Variants in NOS2 observed in about 807,000 individuals in gnomAD.
The protein encoded by NOS2 is nitric oxide synthase 2, also known as nitric oxide synthase, inducible.
Under a neutral mutation model 136.0 loss-of-function variants are expected in NOS2, and 96 were observed. The ratio of observed to expected loss-of-function variants is 0.71; its 90% CI spans 0.60 to 0.84. NOS2 has a LOEUF of 0.84. Ranked by LOEUF, NOS2 falls within the 40% of genes least tolerant of loss-of-function variation. NOS2 has a pLI of 0.00. For synonymous variants in NOS2, 539 were observed against 587.5 expected, an observed-to-expected ratio of 0.92 and a Z score of 1.20; for missense variants, 1,237 against 1,496.9, an observed-to-expected ratio of 0.83 and a Z score of 2.87.
intron 2 of NOS2, among the ~76,000 whole-genome samples, chr17:27,796,927 T>G (rs1347308356): frequency 6.6e-6 from 1 of 152,054 alleles, no homozygotes; most frequent in Non-Finnish European, 1.5e-5. Context: ...TTCAAAGTCC[T>G]CTCCTCCAAT....
chr17:27,797,535 A>C (rs1217609324), intron 2 of NOS2, among the ~76,000 whole-genome samples: 2 of 152,306 alleles, frequency 1.3e-5, no homozygotes, highest in African/African-American at 2.4e-5. Context: ...AGCCACTGGC[A>C]TTTTTTGCCG....
chr17:27,779,083 C>T, intron 9 of NOS2, 27 bp from the exon 10 acceptor site: 1 of 1,396,572 alleles, frequency 7.2e-7, no homozygotes, highest in Non-Finnish European at 9.4e-7. Flanking sequence ...CACAATTTAA[C>T]TGGGGCCTTC....
At chr17:27,794,712 G>GCACACACA (rs1471450143) in intron 2 of NOS2, among the ~76,000 whole-genome samples, 5 of 123,824 alleles carry the variant, frequency 4.0e-5, no homozygotes, top group African/African-American at 1.9e-4. Context: ...ACACACACAC[G>GCACACACA]CGCACACACA....
chr17:27,781,163 A>ACCAC lies in NOS2; in HGVS notation c.736_737insGTGG (p.Val246GlyfsTer8). The ACCAC allele has an allele frequency of 6.2e-7, 1 of 1,608,530 alleles. No individual in the cohort carries two copies. Among genetic ancestry groups the ACCAC allele is most frequent in the South Asian group, 1.1e-5 (1 of 91,056 alleles). Reference sequence around the variant, plus strand: ...CTTGCCATCACTCCGCTGGGGGAACACGGTGATGGCCGACCTTCCCAGGAC... The same window carrying ACCAC: ...CTTGCCATCACTCCGCTGGGGGAACACCACCGGTGATGGCCGACCTTCCCAGGAC... On this transcript the variant is annotated frameshift_variant, in exon 8 of 27. Transcript: ENST00000313735. LOFTEE classifies it high-confidence loss of function.
chr17:27,758,165 T>C (rs536759213), intron 26 of NOS2, among the ~76,000 whole-genome samples: 15 of 152,310 alleles, frequency 9.8e-5, no homozygotes, highest in African/African-American at 1.4e-4. Context: ...CCCTAGCACA[T>C]AGTAGGTGCT....
At chr17:27,757,981 A>T (rs1421235749) in intron 26 of NOS2, among the ~76,000 whole-genome samples, 6 of 152,106 alleles carry the variant, frequency 3.9e-5, no homozygotes, top group Non-Finnish European at 1.5e-5. Flanking sequence ...TTATTCTCAG[A>T]TGCCACCTTC....
intron 14 of NOS2, among the ~76,000 whole-genome samples, chr17:27,771,241 C>T (rs896809788): frequency 6.6e-6 from 1 of 152,262 alleles, no homozygotes. Flanking sequence ...ATGGTTAACA[C>T]ATTGGCAAGC....
Position 27,788,893 on chromosome 17 carries a change from T to A in NOS2, c.234A>T (p.Pro78=), listed in dbSNP as rs752607576. The A allele has an allele frequency of 6.2e-7, 1 of 1,614,078 alleles. No homozygotes were observed. The highest frequency in any genetic ancestry group is 1.7e-5 in the Admixed American group (1 of 60,018). ...PESLVKLDAT[P]LSSPRHVRIK... Reference sequence around the variant, plus strand: ...TCCTCACATGCCGTGGGGAGGACAATGGGGTTGCATCCAGCTTGACCAGAG... The same window carrying A: ...TCCTCACATGCCGTGGGGAGGACAAAGGGGTTGCATCCAGCTTGACCAGAG... Residue 78 remains proline (P), a synonymous_variant, in exon 4 of 27, where the codon CCA becomes CCT. Transcript: ENST00000313735.
intron 2 of NOS2, among the ~76,000 whole-genome samples, chr17:27,795,809 G>T (rs551418985): frequency 1.3e-5 from 2 of 151,944 alleles, no homozygotes; most frequent in Non-Finnish European, 2.9e-5. Context: ...GATCCTTTCC[G>T]CCAGCCCACC....
intron 19 of NOS2, 129 bp from the exon 20 acceptor site, chr17:27,765,845 A>G: frequency 9.6e-7 from 1 of 1,037,474 alleles, no homozygotes. Flanking sequence ...AAGCTAGGCC[A>G]CCACCCTGAG....
Position 27,776,111 on chromosome 17 carries a change from G to A in NOS2, c.1282-1660C>T, listed in dbSNP as rs577729818. Among the ~76,000 whole-genome samples the A allele has an allele frequency of 4.6e-5, 7 of 152,308 alleles. No homozygotes were observed. The South Asian group carries it at 1.0e-3, about 23-fold the overall frequency. ...GCCCAGGGTGAGTTGGCGAATTTCG[G>A]GAGCAGCTCCTGAGAGGAAGGGAGA... On this transcript the variant is annotated intron_variant, in intron 11 of 26. Transcript: ENST00000313735.
chr17:27,779,112 TTA>T, intron 9 of NOS2, 56 bp from the exon 10 acceptor site: 6 of 1,280,128 alleles, frequency 4.7e-6, no homozygotes, highest in East Asian at 3.0e-5. Context: ...TATTTTATTA[TTA>T]TTTTTTTTTT....
intron 2 of NOS2, 59 bp downstream of exon 2, chr17:27,798,641 G>T: frequency 9.9e-7 from 1 of 1,014,018 alleles, no homozygotes; most frequent in Non-Finnish European, 1.6e-6. Context: ...AGTCATCGGT[G>T]CCGACAGGGC....
chr17:27,785,866 G>GGAGGATTACT (rs1402449723), intron 5 of NOS2, among the ~76,000 whole-genome samples: 1 of 151,284 alleles, frequency 6.6e-6, no homozygotes, highest in Non-Finnish European at 1.5e-5. Context: ...AGCTGTGGTG[G>GGAGGATTACT]GAGGATTACT....
At chr17:27,776,705 T>C (rs1597551607) in intron 11 of NOS2, among the ~76,000 whole-genome samples, 1 of 145,564 alleles carries the variant, frequency 6.9e-6, no homozygotes, top group East Asian at 2.0e-4. Context: ...AAAAACTCAG[T>C]GGTAGCCACG....
Position 27,761,164 on chromosome 17 carries a change from T to A in NOS2, c.2868A>T (p.Pro956=). The A allele has an allele frequency of 1.2e-6, 2 of 1,606,638 alleles. No homozygotes were observed. The highest frequency in any genetic ancestry group is 2.2e-5 in the South Asian group (2 of 89,776). ...CTTACTTCCGCACAAAGCAGGGCAC[T>A]GGGTCTTGGGGCTTCAGGCTGTTGA... The part of the protein sequence containing the change: ...TWLNSLKPQD[P]VPCFVRNASG... Residue 956 remains proline (P), a synonymous_variant, in exon 23 of 27, where the codon CCA becomes CCT. Transcript: ENST00000313735.
chr17:27,793,831 T>C, intron 2 of NOS2: 1 of 371,210 alleles, frequency 2.7e-6, no homozygotes, highest in Non-Finnish European at 4.8e-6. Flanking sequence ...CCACGCGATG[T>C]CCCGGGCCGA....
chr17:27,778,927 G>T lies in NOS2; in HGVS notation c.1134C>A (p.Ile378=), dbSNP rs151070816. 1.7e-4 allele frequency: 271 copies of T among 1,610,800 alleles called. No homozygotes were observed. Among genetic ancestry groups the T allele is most frequent in the Non-Finnish European group, 2.2e-4 (255 of 1,177,922 alleles). Residue 378 remains isoleucine, a synonymous_variant, in exon 10 of 27, where the codon ATC becomes ATA. Coordinates refer to ENST00000313735, the MANE Select transcript of NOS2 (RefSeq NM_000625.4). ...PFNGWYMGTE[I]GVRDFCDVQR... ...GGACGTCACAGAAGTCCCGGACTCCGATCTCTGTGCCCATGTACCAGCCAT... is the reference window on the plus strand; with the variant it reads ...GGACGTCACAGAAGTCCCGGACTCCTATCTCTGTGCCCATGTACCAGCCAT...
chr17:27,778,640 G>C, intron 11 of NOS2, 50 bp downstream of exon 11: 1 of 1,445,420 alleles, frequency 6.9e-7, no homozygotes, highest in Non-Finnish European at 9.7e-7. Flanking sequence ...CACTGGATCA[G>C]TTAAGCTTCT....
Sources: gnomAD v4.1 joint callset for allele counts (sites outside exome capture counted in the v4.1 genomes callset) on GRCh38, gnomAD v4.1.1 for gene constraint, MANE v1.5 for transcripts, NCBI Gene and HGNC (gene_info 2026-07-23, HGNC 2026-07-21) for gene names.